The following DDAH1 variants were observed in gnomAD, a reference collection of about 807,000 sequenced individuals.
DDAH1 encodes the protein N(G),N(G)-dimethylarginine dimethylaminohydrolase 1.
Under a neutral mutation model 28.8 loss-of-function variants are expected in DDAH1, and 19 were observed. The ratio of observed to expected loss-of-function variants is 0.66; its 90% CI spans 0.46 to 0.97. The LOEUF (loss-of-function observed/expected upper bound fraction) is 0.97, where lower values mean the gene tolerates loss of function less well. Among genes scored for constraint, DDAH1 ranks in the 50% least tolerant of loss-of-function variants. The pLI, the probability that DDAH1 is intolerant of heterozygous loss-of-function variation, is 0.00. For synonymous variants in DDAH1, 153 were observed against 154.4 expected (o/e 0.99, Z 0.07); for missense variants, 326 against 375.9 (o/e 0.87, Z 1.10).
chr1:85,525,392 G>C (rs1157282653), intron 1 of DDAH1, among the ~76,000 whole-genome samples: 2 of 152,122 alleles, frequency 1.3e-5, no homozygotes, highest in Non-Finnish European at 2.9e-5. Flanking sequence ...CAGTTGATAG[G>C]ACATGTCCTC....
intron 1 of DDAH1, among the ~76,000 whole-genome samples, chr1:85,537,354 A>AAT: frequency 2.2e-4 from 34 of 151,578 alleles, no homozygotes; most frequent in African/African-American, 7.8e-4. Flanking sequence ...ATAATAATAA[A>AAT]AAAAAATCCT....
At chr1:85,457,712 G>A (rs569414590) in intron 1 of DDAH1, among the ~76,000 whole-genome samples, 34 of 152,300 alleles carry the variant, frequency 2.2e-4, no homozygotes, top group East Asian at 5.8e-4. Flanking sequence ...GGATGAAGAC[G>A]GAGTTTCGCT....
Position 85,358,825 on chromosome 1 carries a change from A to G in DDAH1, c.326T>C (p.Leu109Ser). 1 of 1,608,474 alleles carries G rather than the reference A, an allele frequency of 6.2e-7. No homozygotes were observed. The highest frequency in any genetic ancestry group is 8.5e-7 in the Non-Finnish European group (1 of 1,178,010). Reference protein sequence around the residue: ...RKEVDMMKEALEKLQLNIVEM... With the variant: ...RKEVDMMKEASEKLQLNIVEM... ...TACTATATTGAGCTGAAGTTTTTCT[A>G]ATGCTTCTTTCATCATGTCAACCTG... The change falls in exon 2 of 6, where the codon TTA becomes TCA. Residue 109 changes from leucine (L) to serine (S), a missense_variant. Leu to Ser is a moderately radical substitution (Grantham distance 145, BLOSUM62 -2). Coordinates refer to ENST00000284031, the MANE Select transcript of DDAH1 (RefSeq NM_012137.4).
rs557387971 is a variant in DDAH1, at chr1:85,448,199, ATTC to A, written c.303+16541_303+16543del. On this transcript the variant is annotated intron_variant, in intron 1 of 5. Coordinates refer to ENST00000284031, the MANE Select transcript of DDAH1 (RefSeq NM_012137.4). ...AGTATTTTATGTGTGGCCCAAGACA[ATTC>A]TTCTTCTTCCAATGTGGCCCAGGGA... 2.7e-4 allele frequency: 43 copies of A among 161,136 alleles called. No individual in the cohort carries two copies. In the East Asian group the frequency reaches 7.2e-3, roughly 27 times the overall value. 10.0% of individuals were successfully genotyped at this position (161,136 alleles called of 1,614,324 possible). A position where few individuals can be genotyped will look rare whatever the true frequency, so the allele number is the denominator to read the frequency against.
intron 1 of DDAH1, among the ~76,000 whole-genome samples, chr1:85,419,806 T>C (rs1465922385): frequency 6.6e-6 from 1 of 152,204 alleles, no homozygotes; most frequent in Non-Finnish European, 1.5e-5. Context: ...CCTAGGCTTC[T>C]CTTGGCTATA....
At chr1:85,377,014 G>A (rs1650709676) in intron 1 of DDAH1, among the ~76,000 whole-genome samples, 1 of 152,094 alleles carries the variant, frequency 6.6e-6, no homozygotes, top group South Asian at 2.1e-4. Context: ...TATATGTGTG[G>A]TAAATTTCTG....
intron 1 of DDAH1, among the ~76,000 whole-genome samples, chr1:85,537,889 C>A (rs1253028039): frequency 6.6e-6 from 1 of 151,514 alleles, no homozygotes; most frequent in African/African-American, 2.4e-5. Context: ...AAACAAAAAA[C>A]CAAAAAACAA....
At chr1:85,429,664 C>G (rs1270227403) in intron 1 of DDAH1, among the ~76,000 whole-genome samples, 1 of 152,198 alleles carries the variant, frequency 6.6e-6, no homozygotes, top group Non-Finnish European at 1.5e-5. Context: ...TCTCCACATC[C>G]TCTCCAGCAC....
At position 85,319,429 on chromosome 1, in the gene DDAH1, G is replaced by T. The variant is rs1006479891; in HGVS notation, c.*2023C>A. 2 of 152,222 alleles carry T rather than the reference G, an allele frequency of 1.3e-5. No individual in the cohort carries two copies. Among genetic ancestry groups the T allele is most frequent in the African/African-American group, 4.8e-5 (2 of 41,460 alleles). 9.4% of individuals were successfully genotyped at this position (152,222 alleles called of 1,614,324 possible). On this transcript the variant is annotated 3_prime_UTR_variant, in exon 6 of 6. Coordinates refer to ENST00000284031, the MANE Select transcript of DDAH1 (RefSeq NM_012137.4). Reference sequence around the variant, plus strand: ...AGTTCTTTGATTTGGGATGATAGAAGTAAAGATATTAAAAATTATATGCTG... The same window carrying T: ...AGTTCTTTGATTTGGGATGATAGAATTAAAGATATTAAAAATTATATGCTG...
At chr1:85,492,463 T>C (rs1656440066) in intron 2 of DDAH1, among the ~76,000 whole-genome samples, 1 of 152,146 alleles carries the variant, frequency 6.6e-6, no homozygotes, top group Non-Finnish European at 1.5e-5. Flanking sequence ...CAAGATTCTG[T>C]TCCATTTCTG....
intron 1 of DDAH1, among the ~76,000 whole-genome samples, chr1:85,458,240 G>A (rs1328956423): frequency 6.6e-6 from 1 of 152,050 alleles, no homozygotes; most frequent in African/African-American, 2.4e-5. Context: ...TTTTCATGCT[G>A]ATTCCTCTTG....
At chr1:85,550,166 C>T (rs1658744729) in intron 1 of DDAH1, among the ~76,000 whole-genome samples, 1 of 152,166 alleles carries the variant, frequency 6.6e-6, no homozygotes, top group Non-Finnish European at 1.5e-5. Flanking sequence ...CCACTGTTTC[C>T]TAACTCTTTA....
chr1:85,379,593 A>G, intron 1 of DDAH1: 1 of 985,340 alleles, frequency 1.0e-6, no homozygotes, highest in Non-Finnish European at 1.2e-6. Context: ...AACTTGTGAA[A>G]GAGTCAGCCT....
intron 5 of DDAH1, among the ~76,000 whole-genome samples, chr1:85,322,121 C>T (rs1661374329): frequency 6.6e-6 from 1 of 152,072 alleles, no homozygotes; most frequent in Admixed American, 6.6e-5. Context: ...CAGGGTCTCA[C>T]TATTTTGCCA....
At chr1:85,516,885 G>A (rs1156297661) in intron 1 of DDAH1, among the ~76,000 whole-genome samples, 2 of 152,154 alleles carry the variant, frequency 1.3e-5, no homozygotes, top group Non-Finnish European at 2.9e-5. Context: ...GTTAAAAAAT[G>A]TTCCTGGAAG....
At chr1:85,428,775 T>C (rs1403058463) in intron 1 of DDAH1, among the ~76,000 whole-genome samples, 1 of 152,080 alleles carries the variant, frequency 6.6e-6, no homozygotes, top group Non-Finnish European at 1.5e-5. Flanking sequence ...TGTGCTTTAT[T>C]CAGGAAGATC....
At chr1:85,491,752 G>A (rs556632019) in intron 2 of DDAH1, among the ~76,000 whole-genome samples, 1 of 152,240 alleles carries the variant, frequency 6.6e-6, no homozygotes, top group African/African-American at 2.4e-5. Context: ...ACATATATTG[G>A]TTATCTGGTT....
At chr1:85,358,669 A>C in intron 2 of DDAH1, 79 bp downstream of exon 2, 1 of 1,161,592 alleles carries the variant, frequency 8.6e-7, no homozygotes, top group Admixed American at 2.3e-5. Flanking sequence ...AAAAAAACAC[A>C]AAAAACTATA....
intron 1 of DDAH1, among the ~76,000 whole-genome samples, chr1:85,390,650 C>T (rs928012916): frequency 3.3e-5 from 5 of 152,130 alleles, no homozygotes; most frequent in African/African-American, 1.2e-4. Flanking sequence ...ACGGTAGTCA[C>T]AGTAAGTGGT....
Sources: gnomAD v4.1 joint callset for allele counts (sites outside exome capture counted in the v4.1 genomes callset) on GRCh38, gnomAD v4.1.1 for gene constraint, MANE v1.5 for transcripts, NCBI Gene and HGNC (gene_info 2026-07-23, HGNC 2026-07-21) for gene names.